MAMDC2: variants seen among roughly 807,000 people sequenced by gnomAD.
MAMDC2 encodes MAM domain-containing protein 2.
MAMDC2 carries 57 observed loss-of-function variants against 89.8 expected under a neutral mutation model. The observed-to-expected ratio is 0.63, with a 90% CI of 0.51 to 0.79. The LOEUF (loss-of-function observed/expected upper bound fraction) is 0.79, where lower values mean the gene tolerates loss of function less well. MAMDC2 is among the 30% of genes least tolerant of loss of function. The pLI is 0.00. For missense variants in MAMDC2, 800 were observed against 820.6 expected (o/e 0.97, Z 0.31); for synonymous variants, 313 against 293.4 (o/e 1.07, Z -0.68).
chr9:70,179,199 C>G (rs1028513635), intron 11 of MAMDC2, among the ~76,000 whole-genome samples: 1 of 152,072 alleles, frequency 6.6e-6, no homozygotes, highest in South Asian at 2.1e-4. Flanking sequence ...AGATCTATCT[C>G]TAGCTAACAT....
At chr9:70,133,216 T>A (rs2118374510) in intron 7 of MAMDC2, among the ~76,000 whole-genome samples, 1 of 152,252 alleles carries the variant, frequency 6.6e-6, no homozygotes, top group African/African-American at 2.4e-5. Flanking sequence ...AGAAGAGGTG[T>A]TTATCTAATA....
chr9:70,077,423 G>T (rs58085049), intron 2 of MAMDC2, among the ~76,000 whole-genome samples: 25,040 of 152,204 alleles, frequency 0.16, 3,083 homozygotes, highest in African/African-American at 0.34. Flanking sequence ...GGGTACCTGG[G>T]CTGTTCTGTA....
chr9:70,191,472 T>C (rs1213248785), intron 11 of MAMDC2, among the ~76,000 whole-genome samples: 2 of 151,224 alleles, frequency 1.3e-5, no homozygotes, highest in African/African-American at 4.8e-5. Flanking sequence ...TTCTGTCATC[T>C]GTTACCCCCA....
intron 2 of MAMDC2, among the ~76,000 whole-genome samples, chr9:70,049,615 C>T (rs1345957098): frequency 1.3e-5 from 2 of 152,148 alleles, no homozygotes; most frequent in Non-Finnish European, 2.9e-5. Context: ...ATTATGTCTG[C>T]AGGTTGTTCT....
chr9:70,183,879 A>ATGTGAATTTGATTCTGTCATTG (rs1288419820), intron 11 of MAMDC2, among the ~76,000 whole-genome samples: 5 of 152,108 alleles, frequency 3.3e-5, no homozygotes, highest in African/African-American at 1.2e-4. Context: ...TTCTGTCATT[A>ATGTGAATTTGATTCTGTCATTG]TGTGAATTTG....
chr9:70,101,761 T>G (rs1294266441), intron 2 of MAMDC2, among the ~76,000 whole-genome samples: 1 of 152,204 alleles, frequency 6.6e-6, no homozygotes, highest in East Asian at 1.9e-4. Flanking sequence ...CAATGATGAT[T>G]TCTCAGAACC....
At chr9:70,211,429 G>A (rs1321352448) in intron 11 of MAMDC2, among the ~76,000 whole-genome samples, 1 of 152,130 alleles carries the variant, frequency 6.6e-6, no homozygotes, top group Admixed American at 6.5e-5. Flanking sequence ...AGCTACTGAA[G>A]CTTGTGCATG....
intron 2 of MAMDC2, among the ~76,000 whole-genome samples, chr9:70,066,615 C>T (rs959138605): frequency 4.6e-5 from 7 of 152,090 alleles, no homozygotes; most frequent in Admixed American, 1.3e-4. Context: ...ACAGGTTGTT[C>T]GCTACCCAAA....
chr9:70,221,405 A>AGAGAGAGAGAGAGAGAGAGAGAGAGAGG (rs2033562026), intron 12 of MAMDC2, among the ~76,000 whole-genome samples: 1 of 123,930 alleles, frequency 8.1e-6, no homozygotes, highest in African/African-American at 3.0e-5. Flanking sequence ...AGAGAGAGAG[A>AGAGAGAGAGAGAGAGAGAGAGAGAGAGG]GAGTAACATC....
At chr9:70,099,980 A>G (rs867422958) in intron 2 of MAMDC2, among the ~76,000 whole-genome samples, 20 of 115,638 alleles carry the variant, frequency 1.7e-4, no homozygotes, top group Admixed American at 3.0e-4. Context: ...GCCAAAAAGA[A>G]AGAGAGAGAG....
chr9:70,135,221 C>T (rs1402859907), intron 7 of MAMDC2, among the ~76,000 whole-genome samples: 1 of 152,144 alleles, frequency 6.6e-6, no homozygotes, highest in Non-Finnish European at 1.5e-5. Flanking sequence ...TCTTGATCAT[C>T]AACAGATGCT....
At chr9:70,170,278 C>G (rs1167279629) in intron 10 of MAMDC2, 3 of 460,620 alleles carry the variant, frequency 6.5e-6, no homozygotes, top group African/African-American at 4.0e-5. Context: ...TGATTGTTCT[C>G]TATGTCTGTG....
intron 6 of MAMDC2, among the ~76,000 whole-genome samples, chr9:70,127,689 C>G (rs370029024): frequency 6.7e-6 from 1 of 150,256 alleles, no homozygotes; most frequent in Non-Finnish European, 1.5e-5. Context: ...TACCTCCCCC[C>G]ACAAAAAAAA....
chr9:70,140,306 CTA>C lies in MAMDC2; in HGVS notation c.1138+20_1138+21del, dbSNP rs751270472. ...AGGCTTAGGTAAATCAGAGATCTGT[CTA>C]TGTGGGGACATCTTGGGTAGTCGTG... On this transcript the variant is annotated intron_variant, in intron 8 of 13. Transcript: ENST00000377182. The C allele has an allele frequency of 1.3e-6, 2 of 1,568,608 alleles. No individual in the cohort carries two copies. The highest frequency in any genetic ancestry group is 2.5e-5 in the South Asian group (2 of 81,516).
chr9:70,209,193 T>C (rs1456488871), intron 11 of MAMDC2, among the ~76,000 whole-genome samples: 1 of 152,226 alleles, frequency 6.6e-6, no homozygotes, highest in Non-Finnish European at 1.5e-5. Context: ...TCGAATAGTT[T>C]CAGAAGGAAT....
chr9:70,069,363 C>G (rs1192557940), intron 2 of MAMDC2, among the ~76,000 whole-genome samples: 1 of 152,172 alleles, frequency 6.6e-6, no homozygotes, highest in Non-Finnish European at 1.5e-5. Context: ...CAAATTATAG[C>G]ACAACTTTCT....
At chr9:70,085,160 G>A (rs1465510664) in intron 2 of MAMDC2, among the ~76,000 whole-genome samples, 10 of 151,998 alleles carry the variant, frequency 6.6e-5, no homozygotes, top group Admixed American at 3.9e-4. Context: ...TCCCAAATTA[G>A]GTGCGATAAG....
chr9:70,103,842 C>T (rs1296134300), intron 2 of MAMDC2, among the ~76,000 whole-genome samples: 3 of 151,784 alleles, frequency 2.0e-5, no homozygotes, highest in African/African-American at 2.4e-5. Context: ...ATTAGCAGGG[C>T]GTGGCAGCGT....
At chr9:70,131,476 G>A (rs752807258) in intron 6 of MAMDC2, 43 bp from the exon 7 acceptor site, 18 of 1,454,336 alleles carry the variant, frequency 1.2e-5, no homozygotes, top group South Asian at 2.5e-5. Context: ...AAGCCAAACC[G>A]AAAATATGTG....
Sources: gnomAD v4.1 joint callset for allele counts (sites outside exome capture counted in the v4.1 genomes callset) on GRCh38, gnomAD v4.1.1 for gene constraint, MANE v1.5 for transcripts, NCBI Gene and HGNC (gene_info 2026-07-23, HGNC 2026-07-21) for gene names.